Variants in ZRANB3 observed in about 807,000 individuals in gnomAD.
The protein encoded by ZRANB3 is zinc finger RANBP2-type containing 3, also known as DNA annealing helicase and endonuclease ZRANB3.
Under a neutral mutation model 133.8 loss-of-function variants are expected in ZRANB3, and 125 were observed. That is an observed-to-expected ratio of 0.93 (90% CI 0.81 to 1.08). The LOEUF (loss-of-function observed/expected upper bound fraction) is 1.08, where lower values mean the gene tolerates loss of function less well. Ranked by LOEUF, ZRANB3 falls within the 50% of genes least tolerant of loss-of-function variation. The pLI is 0.00. For synonymous variants in ZRANB3, 387 were observed against 432.7 expected (o/e 0.89, Z 1.31); for missense variants, 1,229 against 1,275.5 (o/e 0.96, Z 0.56).
intron 1 of ZRANB3, among the ~76,000 whole-genome samples, chr2:135,528,297 A>G (rs927321492): frequency 6.6e-6 from 1 of 152,028 alleles, no homozygotes; most frequent in Non-Finnish European, 1.5e-5. Context: ...ACAGTTGTGC[A>G]CCACTACGCC....
At chr2:135,308,513 G>A (rs1311386056) in intron 8 of ZRANB3, among the ~76,000 whole-genome samples, 2 of 152,210 alleles carry the variant, frequency 1.3e-5, no homozygotes, top group Non-Finnish European at 2.9e-5. Context: ...GCCTGTGAGT[G>A]AGTATAAACT....
At chr2:135,386,672 A>C (rs531747398) in intron 3 of ZRANB3, among the ~76,000 whole-genome samples, 2 of 152,346 alleles carry the variant, frequency 1.3e-5, no homozygotes, top group East Asian at 3.9e-4. Flanking sequence ...ATAAAAAAGG[A>C]TAAGTTCGTG....
chr2:135,530,134 G>A (rs990211952), intron 1 of ZRANB3, among the ~76,000 whole-genome samples: 4 of 151,276 alleles, frequency 2.6e-5, no homozygotes, highest in Non-Finnish European at 5.9e-5. Context: ...GGCTGAGACA[G>A]GAGAATGGCG....
intron 2 of ZRANB3, among the ~76,000 whole-genome samples, chr2:135,460,398 A>G (rs1398602021): frequency 6.6e-6 from 1 of 151,784 alleles, no homozygotes; most frequent in Admixed American, 6.6e-5. Context: ...AGTGGCTGGG[A>G]TTACAGGTGC....
intron 2 of ZRANB3, among the ~76,000 whole-genome samples, chr2:135,407,871 C>T (rs1392988112): frequency 5.9e-5 from 8 of 136,744 alleles, no homozygotes; most frequent in Non-Finnish European, 1.2e-4. Flanking sequence ...CATAAAAACC[C>T]TAGAAGAAAA....
chr2:135,455,593 T>C (rs1690478995), intron 2 of ZRANB3, among the ~76,000 whole-genome samples: 2 of 144,580 alleles, frequency 1.4e-5, no homozygotes, highest in Non-Finnish European at 1.5e-5. Flanking sequence ...TTTTTTCTTT[T>C]TTTTTTTTTT....
chr2:135,394,204 C>T (rs16831601), intron 2 of ZRANB3, among the ~76,000 whole-genome samples: 15,862 of 152,076 alleles, frequency 0.1, 1,091 homozygotes, highest in South Asian at 0.32. Context: ...CGATTTGTTA[C>T]GGGATGGCAA....
chr2:135,433,776 C>G (rs180742323), intron 2 of ZRANB3, among the ~76,000 whole-genome samples: 14 of 152,308 alleles, frequency 9.2e-5, no homozygotes, highest in African/African-American at 3.4e-4. Context: ...GCGAGCGGAT[C>G]ACGAGGTCAG....
At position 135,283,626 on chromosome 2, in the gene ZRANB3, A is replaced by C. The variant is rs181940235; in HGVS notation, c.967-7871T>G. Among the ~76,000 whole-genome samples the C allele has an allele frequency of 5.7e-3, 861 of 152,020 alleles. 4 individuals carry two copies. Among genetic ancestry groups the C allele is most frequent in the African/African-American group, 0.018 (730 of 41,464 alleles). On this transcript the variant is annotated intron_variant, in intron 8 of 20. Coordinates refer to ENST00000264159, the MANE Select transcript of ZRANB3 (RefSeq NM_032143.4). ...GCGAGACTCTGTCTAAAAAAAAAAA[A>C]AAAACTGAATTCAATTTTTAAAAAC...
chr2:135,481,514 A>G (rs931806093), intron 2 of ZRANB3, among the ~76,000 whole-genome samples: 12 of 152,150 alleles, frequency 7.9e-5, no homozygotes, highest in African/African-American at 2.9e-4. Flanking sequence ...TCTGTATATT[A>G]GCCCTTTGTC....
At chr2:135,364,866 T>C (rs1685856347) in intron 3 of ZRANB3, among the ~76,000 whole-genome samples, 1 of 152,024 alleles carries the variant, frequency 6.6e-6, no homozygotes, top group African/African-American at 2.4e-5. Flanking sequence ...CTGGCCAATA[T>C]GGTGAAACCC....
rs139663987 is a variant in ZRANB3, at chr2:135,505,538, C to T, written c.-7-1042G>A. Among the ~76,000 whole-genome samples the T allele has an allele frequency of 1.4e-4, 22 of 151,798 alleles. No individual in the cohort carries two copies. In the South Asian group the frequency reaches 2.9e-3, roughly 20 times the overall value. On this transcript the variant is annotated intron_variant, in intron 1 of 20. Coordinates refer to ENST00000264159, the MANE Select transcript of ZRANB3 (RefSeq NM_032143.4). ...GCAGTGAGCCAAGATCATGCCACTG[C>T]GCTCCAGCCTGGGCGACAGAGTGAG...
At chr2:135,242,542 G>A (rs540912925) in intron 12 of ZRANB3, among the ~76,000 whole-genome samples, 2 of 151,876 alleles carry the variant, frequency 1.3e-5, no homozygotes, top group South Asian at 4.2e-4. Context: ...CTCCTGCTCA[G>A]CCTACTAAGT....
At chr2:135,316,969 A>G (rs1402480863) in intron 6 of ZRANB3, among the ~76,000 whole-genome samples, 3 of 109,996 alleles carry the variant, frequency 2.7e-5, no homozygotes, top group African/African-American at 2.1e-4. Context: ...CGTCTCGAGA[A>G]AAAAAAAAAA....
At chr2:135,284,562 C>G (rs1027739276) in intron 8 of ZRANB3, among the ~76,000 whole-genome samples, 2 of 152,196 alleles carry the variant, frequency 1.3e-5, no homozygotes, top group Non-Finnish European at 2.9e-5. Flanking sequence ...AGCTCCGCCT[C>G]CCGGGTTCAC....
At chr2:135,391,780 C>T (rs1007452773) in intron 2 of ZRANB3, among the ~76,000 whole-genome samples, 14 of 151,876 alleles carry the variant, frequency 9.2e-5, no homozygotes, top group African/African-American at 2.7e-4. Context: ...GGGGTTTCAC[C>T]GTGTTAGCTA....
At chr2:135,353,676 T>A in intron 3 of ZRANB3, 48 bp from the exon 4 acceptor site, 1 of 1,198,756 alleles carries the variant, frequency 8.3e-7, no homozygotes, top group Non-Finnish European at 1.1e-6. Flanking sequence ...TAAAATATTT[T>A]AAAAGAAAAT....
In ZRANB3 at chr2:135,527,898, T is replaced by G. The variant is rs960265420; in HGVS notation, c.-8+3229A>C. Among the ~76,000 whole-genome samples the G allele has an allele frequency of 2.0e-5, 3 of 152,218 alleles. No homozygotes were observed. The East Asian group carries it at 5.8e-4, about 29-fold the overall frequency. Reference sequence around the variant, plus strand: ...TTACTTTCTTTTTTACATTTTCCCGTGTGGACTAAGTATTACGTACATGGC... The same window carrying G: ...TTACTTTCTTTTTTACATTTTCCCGGGTGGACTAAGTATTACGTACATGGC... On this transcript the variant is annotated intron_variant, in intron 1 of 20. Transcript: ENST00000264159.
intron 2 of ZRANB3, among the ~76,000 whole-genome samples, chr2:135,466,448 G>GA (rs1418244537): frequency 2.9e-5 from 4 of 137,860 alleles, no homozygotes; most frequent in Admixed American, 7.3e-5. Context: ...TATTATAAGA[G>GA]AAAAAATGTT....
Sources: allele counts gnomAD v4.1 joint callset (sites outside exome capture counted in the v4.1 genomes callset), GRCh38; gene constraint gnomAD v4.1.1; transcripts MANE v1.5; gene names NCBI Gene and HGNC (gene_info 2026-07-23, HGNC 2026-07-21).